Variants in TMEM164 observed in about 807,000 individuals in gnomAD.
TMEM164 encodes RP13-360B22.2.
TMEM164 carries 4 observed loss-of-function variants against 18.8 expected under a neutral mutation model. The observed-to-expected ratio is 0.21, with a 90% CI of 0.10 to 0.49. The LOEUF (loss-of-function observed/expected upper bound fraction) is 0.49, where lower values mean the gene tolerates loss of function less well. Among genes scored for constraint, TMEM164 ranks in the 20% least tolerant of loss-of-function variants. TMEM164 has a pLI of 0.98. For synonymous variants in TMEM164, 86 were observed against 101.7 expected (o/e 0.85, Z 0.93); for missense variants, 108 against 239.9 (o/e 0.45, Z 3.63).
At chrX:110,016,498 T>A (rs1210487669) in intron 2 of TMEM164, among the ~76,000 whole-genome samples, 3 of 111,981 alleles carry the variant, frequency 2.7e-5, no homozygotes, top group African/African-American at 9.7e-5. Flanking sequence ...CTATAATTTC[T>A]GGTTATCTTT....
chrX:110,084,459 G>GTATAGTATATATA lies in TMEM164; in HGVS notation c.440+17068_440+17080dup, dbSNP rs1569321106. Among the ~76,000 whole-genome samples, 424 of 64,110 alleles carry GTATAGTATATATA rather than the reference G, an allele frequency of 6.6e-3. 29 individuals are homozygous for GTATAGTATATATA. The highest frequency in any genetic ancestry group is 0.039 in the South Asian group (51 of 1,294). The allele number at this position is 64,110 out of a possible 115,157, so 55.7% of individuals were successfully genotyped here. On this transcript the variant is annotated intron_variant, in intron 3 of 6. Coordinates refer to ENST00000372068, the MANE Select transcript of TMEM164 (RefSeq NM_032227.4). ...TATATATATAGTATATATATATATA[G>GTATAGTATATATA]TATAGTATATATATATATAGAGAGA...
At chrX:110,079,569 T>C (rs1395073206) in intron 3 of TMEM164, among the ~76,000 whole-genome samples, 1 of 111,995 alleles carries the variant, frequency 8.9e-6, no homozygotes, top group East Asian at 2.8e-4. Flanking sequence ...GAAAGCTCTG[T>C]CCTCATCTTC....
At chrX:110,020,771 A>G (rs1933769602) in intron 2 of TMEM164, 1 of 604,738 alleles carries the variant, frequency 1.7e-6, no homozygotes, top group Non-Finnish European at 2.0e-6. Flanking sequence ...ATGCCAGAAT[A>G]TTTATGGCAT....
downstream of TMEM164, among the ~76,000 whole-genome samples, chrX:110,178,080 G>A (rs2067308379): frequency 1.8e-5 from 2 of 112,392 alleles, no homozygotes; most frequent in Admixed American, 1.9e-4. Context: ...TAGGCTGGAG[G>A]ACTGAGCTGG....
chrX:110,058,789 AT>A lies in TMEM164; in HGVS notation c.391-8544del, dbSNP rs750678538. On this transcript the variant is annotated intron_variant, in intron 2 of 6. Coordinates refer to ENST00000372068, the MANE Select transcript of TMEM164 (RefSeq NM_032227.4). ...TGTGATGTGCCACAACGCCTGGCTA[AT>A]TTTTTTTTTTTTTAATTTTTAGTAG... is the stretch of plus-strand genomic sequence containing the variant. Among the ~76,000 whole-genome samples, 569 of 97,008 alleles carry A rather than the reference AT, an allele frequency of 5.9e-3. 2 individuals carry two copies. The highest frequency in any genetic ancestry group is 0.015 in the African/African-American group (402 of 26,898). The allele number at this position is 97,008 out of a possible 115,157, so 84.2% of individuals were successfully genotyped here.
intron 2 of TMEM164, among the ~76,000 whole-genome samples, chrX:110,037,511 T>TC (rs1218865470): frequency 6.2e-5 from 7 of 112,023 alleles, no homozygotes; most frequent in Non-Finnish European, 1.3e-4. Context: ...TTGTGTGCCT[T>TC]CCTGTGGTTC....
At chrX:110,070,250 A>T (rs1232147854) in intron 3 of TMEM164, among the ~76,000 whole-genome samples, 1 of 111,707 alleles carries the variant, frequency 9.0e-6, no homozygotes, top group Non-Finnish European at 1.9e-5. Context: ...CAGGAGGCGG[A>T]TGTTGCAGTG....
intron 2 of TMEM164, among the ~76,000 whole-genome samples, chrX:110,012,086 T>C (rs761882607): frequency 1.8e-5 from 2 of 111,733 alleles, no homozygotes; most frequent in South Asian, 3.8e-4. Context: ...GCACACAACA[T>C]TGGGGTAAGT....
intron 3 of TMEM164, among the ~76,000 whole-genome samples, chrX:110,092,720 G>T (rs1462221332): frequency 9.0e-6 from 1 of 111,478 alleles, no homozygotes; most frequent in Non-Finnish European, 1.9e-5. Context: ...TTGCCTGATT[G>T]CCCTGGCCAG....
At chrX:110,054,034 G>A (rs1166907134) in intron 2 of TMEM164, among the ~76,000 whole-genome samples, 1 of 111,685 alleles carries the variant, frequency 9.0e-6, no homozygotes, top group Non-Finnish European at 1.9e-5. Flanking sequence ...ATCTTATGGT[G>A]GAGACAAAAG....
rs904647547 is a variant in TMEM164, at chrX:110,123,976, C to T, written c.507+14830C>T. Among the ~76,000 whole-genome samples, 7 of 110,737 alleles carry T rather than the reference C, an allele frequency of 6.3e-5. No individual in the cohort carries two copies. In the East Asian group the frequency reaches 2.0e-3, roughly 32 times the overall value. ...AATTTTTTTTAAAAAATTAGCCAGG[C>T]GTGGCGGTATGTGTCTGTAGTCTCA... On this transcript the variant is annotated intron_variant, in intron 4 of 6. Coordinates refer to ENST00000372068, the MANE Select transcript of TMEM164 (RefSeq NM_032227.4).
At chrX:110,141,357 A>G (rs1266135861) in intron 4 of TMEM164, among the ~76,000 whole-genome samples, 1 of 111,928 alleles carries the variant, frequency 8.9e-6, no homozygotes, top group African/African-American at 3.3e-5. Flanking sequence ...GTCCGTTTTC[A>G]TGCTGCTGAT....
chrX:110,084,349 C>G (rs12381791), intron 3 of TMEM164, among the ~76,000 whole-genome samples: 1 of 32,448 alleles, frequency 3.1e-5, no homozygotes, highest in East Asian at 5.6e-4. Flanking sequence ...ACTAAAAATA[C>G]TATATATATA....
chrX:110,147,857 G>A (rs1366625555), intron 5 of TMEM164, among the ~76,000 whole-genome samples: 8 of 110,377 alleles, frequency 7.2e-5, no homozygotes, highest in East Asian at 5.7e-4. Context: ...ATGTGAGAAC[G>A]TAACTCCTGT....
At chrX:110,075,720 A>G (rs756138007) in intron 3 of TMEM164, among the ~76,000 whole-genome samples, 4 of 112,229 alleles carry the variant, frequency 3.6e-5, no homozygotes, top group South Asian at 7.3e-4. Flanking sequence ...AGATGATCAT[A>G]TGGTCCTTGT....
chrX:110,079,610 C>G (rs1016743469), intron 3 of TMEM164, among the ~76,000 whole-genome samples: 10 of 111,891 alleles, frequency 8.9e-5, no homozygotes, highest in African/African-American at 2.6e-4. Flanking sequence ...TGAAACCCAT[C>G]ATGGGGAAAG....
At chrX:110,123,518 A>G (rs1251544776) in intron 4 of TMEM164, among the ~76,000 whole-genome samples, 1 of 112,445 alleles carries the variant, frequency 8.9e-6, no homozygotes, top group Non-Finnish European at 1.9e-5. Context: ...ATCTTGGTTC[A>G]GCACTCAGGT....
At chrX:110,108,125 T>TGTGTGTGTGTGAGA (rs1444288844) in intron 3 of TMEM164, among the ~76,000 whole-genome samples, 1 of 102,788 alleles carries the variant, frequency 9.7e-6, no homozygotes, top group African/African-American at 3.7e-5. Context: ...TGTGTGTGTG[T>TGTGTGTGTGTGAGA]GATTGAGATT....
At chrX:110,074,301 GTTAT>G (rs2065640793) in intron 3 of TMEM164, among the ~76,000 whole-genome samples, 1 of 111,590 alleles carries the variant, frequency 9.0e-6, no homozygotes, top group African/African-American at 3.3e-5. Context: ...TTTTAGTCAG[GTTAT>G]TTGTTTTTTG....
Sources: allele counts gnomAD v4.1 joint callset (sites outside exome capture counted in the v4.1 genomes callset), GRCh38; gene constraint gnomAD v4.1.1; transcripts MANE v1.5; gene names NCBI Gene and HGNC (gene_info 2026-07-23, HGNC 2026-07-21).